Variants in ARHGAP21 observed in about 807,000 individuals in gnomAD.
ARHGAP21 encodes the protein Rho GTPase activating protein 21.
Under a neutral mutation model 164.6 loss-of-function variants are expected in ARHGAP21, and 38 were observed. The observed-to-expected ratio is 0.23, with a 90% CI of 0.18 to 0.30. The LOEUF (loss-of-function observed/expected upper bound fraction) is 0.30. Ranked by LOEUF, ARHGAP21 falls within the 10% of genes least tolerant of loss-of-function variation. The pLI, the probability that ARHGAP21 is intolerant of heterozygous loss-of-function variation, is 1.00. For missense variants in ARHGAP21, 1,822 were observed against 2,370.7 expected (o/e 0.77, Z 4.81); for synonymous variants, 766 against 857.9 (o/e 0.89, Z 1.87).
chr10:24,684,180 AG>A (rs1247669114), intron 2 of ARHGAP21, among the ~76,000 whole-genome samples: 1 of 152,056 alleles, frequency 6.6e-6, no homozygotes, highest in African/African-American at 2.4e-5. Context: ...CCAGGAACTC[AG>A]GAGGCCGAGG....
At chr10:24,586,366 T>C (rs748203955) in intron 25 of ARHGAP21, among the ~76,000 whole-genome samples, 3 of 152,102 alleles carry the variant, frequency 2.0e-5, no homozygotes, top group South Asian at 2.1e-4. Context: ...TTCAGGAAAA[T>C]AGTCTGTGCT....
At chr10:24,604,425 TA>T in intron 11 of ARHGAP21, 77 bp from the exon 12 acceptor site, 1 of 964,464 alleles carries the variant, frequency 1.0e-6, no homozygotes, top group Non-Finnish European at 1.6e-6. Context: ...ATTTGAATAT[TA>T]CAATTACTCT....
chr10:24,687,547 A>G (rs1010615367), intron 2 of ARHGAP21, among the ~76,000 whole-genome samples: 1 of 152,362 alleles, frequency 6.6e-6, no homozygotes, highest in Admixed American at 6.5e-5. Context: ...AAACTCAAAT[A>G]CAGATATGCC....
intron 14 of ARHGAP21, among the ~76,000 whole-genome samples, chr10:24,598,987 T>C (rs147581020): frequency 6.6e-6 from 1 of 152,218 alleles, no homozygotes; most frequent in Non-Finnish European, 1.5e-5. Context: ...ATGCATGTAG[T>C]ATGTTTAAAA....
intron 2 of ARHGAP21, among the ~76,000 whole-genome samples, chr10:24,682,764 G>A (rs1288170867): frequency 6.6e-6 from 1 of 151,882 alleles, no homozygotes; most frequent in Middle Eastern, 3.4e-3. Context: ...GACGTATCTA[G>A]ATGTTTTTTC....
intron 4 of ARHGAP21, among the ~76,000 whole-genome samples, chr10:24,647,020 C>T (rs963996799): frequency 1.3e-5 from 2 of 152,160 alleles, no homozygotes; most frequent in Non-Finnish European, 2.9e-5. Context: ...TCACCTGTAT[C>T]GTCCTATCTA....
chr10:24,710,108 A>G (rs763240280), intron 2 of ARHGAP21, among the ~76,000 whole-genome samples: 1 of 152,216 alleles, frequency 6.6e-6, no homozygotes, highest in Non-Finnish European at 1.5e-5. Flanking sequence ...AGGACTCAAT[A>G]AAGGCTGTTG....
intron 2 of ARHGAP21, 48 bp from the exon 3 acceptor site, chr10:24,670,445 T>C (rs771508978): frequency 7.8e-7 from 1 of 1,287,744 alleles, no homozygotes; most frequent in Non-Finnish European, 1.0e-6. Flanking sequence ...ACAATATACT[T>C]CCTCATCTAA....
intron 15 of ARHGAP21, 131 bp downstream of exon 15, chr10:24,597,814 G>A (rs745547189): frequency 3.1e-5 from 35 of 1,121,884 alleles, no homozygotes; most frequent in East Asian, 1.7e-4. Context: ...AAAATATAGC[G>A]TAGAGAGGAT....
Position 24,619,571 on chromosome 10 carries a change from T to C in ARHGAP21, c.2324A>G (p.Asn775Ser), listed in dbSNP as rs201119372. 5.8e-5 allele frequency: 93 copies of C among 1,614,076 alleles called. No individual in the cohort carries two copies. The highest frequency in any genetic ancestry group is 5.0e-5 in the Admixed American group (3 of 60,010). The change falls in exon 9 of 26, where the codon AAT (asparagine) becomes AGT (serine). Residue 775 changes from asparagine to serine, a missense_variant. Physicochemically the swap from Asn to Ser is conservative, Grantham distance 46. This residue lies in a region of ARHGAP21 where 1,090 missense variants were observed against 1,378.9 expected (regional missense o/e 0.79). Transcript: ENST00000396432. ...TGSDTTCWLP[N>S]DARREVHIKR... ...TATGTGGACCTCTCGACGTGCATCATTGGGCAGCCAGCAGGTAGTGTCTGA... is the reference window on the plus strand; with the variant it reads ...TATGTGGACCTCTCGACGTGCATCACTGGGCAGCCAGCAGGTAGTGTCTGA...
At chr10:24,615,484 G>A (rs560752496) in intron 9 of ARHGAP21, among the ~76,000 whole-genome samples, 4 of 152,142 alleles carry the variant, frequency 2.6e-5, no homozygotes, top group South Asian at 4.1e-4. Context: ...AATAATAGTC[G>A]GCATAAAACT....
intron 24 of ARHGAP21, chr10:24,590,896 T>C: frequency 1.0e-6 from 1 of 982,578 alleles, no homozygotes; most frequent in Non-Finnish European, 1.2e-6. Flanking sequence ...CAGTAGCATA[T>C]ATCTGTTTTA....
intron 4 of ARHGAP21, among the ~76,000 whole-genome samples, chr10:24,644,822 G>A (rs1837399523): frequency 6.6e-6 from 1 of 151,940 alleles, no homozygotes; most frequent in Non-Finnish European, 1.5e-5. Flanking sequence ...TCTGTGTATG[G>A]TTTCACTTAC....
At chr10:24,593,456 AATG>A (rs1256173851) in intron 21 of ARHGAP21, among the ~76,000 whole-genome samples, 11 of 152,126 alleles carry the variant, frequency 7.2e-5, no homozygotes, top group African/African-American at 2.4e-4. Flanking sequence ...TTTTTAGACT[AATG>A]ATAACAAACA....
chr10:24,645,864 GAAC>G (rs1837521059), intron 4 of ARHGAP21, among the ~76,000 whole-genome samples: 1 of 152,120 alleles, frequency 6.6e-6, no homozygotes, highest in Non-Finnish European at 1.5e-5. Flanking sequence ...CTGCAATGGA[GAAC>G]AATAAGCAGA....
intron 2 of ARHGAP21, chr10:24,706,779 C>T (rs961968756): frequency 1.3e-5 from 2 of 152,270 alleles, no homozygotes; most frequent in South Asian, 2.1e-4. Flanking sequence ...CCCACCAGTA[C>T]ATTTAAATTA....
intron 4 of ARHGAP21, among the ~76,000 whole-genome samples, chr10:24,654,313 A>G (rs1838553178): frequency 6.6e-6 from 1 of 152,236 alleles, no homozygotes; most frequent in African/African-American, 2.4e-5. Flanking sequence ...AGCATATTCA[A>G]TTAGGAAAAG....
rs551778821 is a variant in ARHGAP21, at chr10:24,670,102, T to A, written c.243+116A>T. The A allele has an allele frequency of 5.1e-6, 3 of 593,878 alleles. No homozygotes were observed. The South Asian group carries it at 2.0e-4, about 40-fold the overall frequency. The allele number at this position is 593,878 out of a possible 1,614,324, so 36.8% of individuals were successfully genotyped here. A position where few individuals can be genotyped will look rare whatever the true frequency, so the allele number is the denominator to read the frequency against. On this transcript the variant is annotated intron_variant, in intron 3 of 25. Transcript: ENST00000396432. ...TAATATAATAAAAATTCAAATGTAA[T>A]GCTTGATTCTTTTAAGACAGAAAAA... is the stretch of plus-strand genomic sequence containing the variant.
intron 6 of ARHGAP21, among the ~76,000 whole-genome samples, chr10:24,631,936 G>A (rs898316837): frequency 1.3e-5 from 2 of 151,996 alleles, no homozygotes; most frequent in South Asian, 4.2e-4. Flanking sequence ...GCCCAGGCTG[G>A]TATCAAACTC....
Sources: allele counts gnomAD v4.1 joint callset (sites outside exome capture counted in the v4.1 genomes callset), GRCh38; gene constraint gnomAD v4.1.1; regional missense constraint gnomAD v4.1.1; transcripts MANE v1.5; gene names NCBI Gene and HGNC (gene_info 2026-07-23, HGNC 2026-07-21).